Variants in BCL9 observed in about 807,000 individuals in gnomAD.
BCL9 encodes the protein BCL9 transcription coactivator, also known as B-cell CLL/lymphoma 9 protein.
A neutral mutation model predicts 88.5 loss-of-function variants in BCL9; 25 were observed. The observed-to-expected ratio is 0.28, with a 90% CI of 0.21 to 0.39. The LOEUF is 0.39. Ranked by LOEUF, BCL9 falls within the 10% of genes least tolerant of loss-of-function variation. The pLI is 1.00. For missense variants in BCL9, 1,817 were observed against 1,877.8 expected, an observed-to-expected ratio of 0.97 and a Z score of 0.60; for synonymous variants, 711 against 673.3, an observed-to-expected ratio of 1.06 and a Z score of -0.87.
intron 1 of BCL9, among the ~76,000 whole-genome samples, chr1:147,596,521 C>T (rs1553200525): frequency 1.3e-5 from 2 of 149,730 alleles, no homozygotes; most frequent in African/African-American, 4.9e-5. Context: ...TCACGCCATT[C>T]TCCTGCCTCA....
chr1:147,576,706 C>A (rs1553198134), intron 1 of BCL9, among the ~76,000 whole-genome samples: 1 of 152,078 alleles, frequency 6.6e-6, no homozygotes, highest in Non-Finnish European at 1.5e-5. Flanking sequence ...TATCTCAATA[C>A]CAGCAATAAA....
intron 1 of BCL9, among the ~76,000 whole-genome samples, chr1:147,570,571 A>C (rs1322486142): frequency 3.3e-5 from 5 of 151,142 alleles, no homozygotes; most frequent in Admixed American, 2.6e-4. Flanking sequence ...TCTGTTCCTC[A>C]TCCTATCCCT....
rs1654323404 is a variant in BCL9, at chr1:147,541,645, G to A, written c.-507G>A. On this transcript the variant is annotated 5_prime_UTR_variant, in exon 1 of 10. An upstream start codon of the reference 5' UTR is lost. Coordinates refer to ENST00000234739, the MANE Select transcript of BCL9 (RefSeq NM_004326.4). ...ACTTTCCCCCCTCAGTTTCTGAAAT[G>A]ATTCTCCAGAATTTCTCCTCATAAA... The A allele has an allele frequency of 1.3e-5, 2 of 152,008 alleles. No homozygotes were observed. The highest frequency in any genetic ancestry group is 4.8e-5 in the African/African-American group (2 of 41,358). 9.4% of individuals were successfully genotyped at this position (152,008 alleles called of 1,614,324 possible).
intron 1 of BCL9, among the ~76,000 whole-genome samples, chr1:147,599,581 G>C (rs1279956733): frequency 6.6e-6 from 1 of 152,000 alleles, no homozygotes; most frequent in Non-Finnish European, 1.5e-5. Flanking sequence ...GGGAAGAGGA[G>C]ACCCTCCCGT....
rs1553202868 is a variant in BCL9, at chr1:147,612,964, A to C, written c.135A>C (p.Lys45Asn). 6.2e-7 allele frequency: 1 copy of C among 1,613,276 alleles called. No homozygotes were observed. Among genetic ancestry groups the C allele is most frequent in the Non-Finnish European group, 8.5e-7 (1 of 1,179,652 alleles). The part of the protein sequence containing the change: ...SPSGNPQLDS[K>N]FSNQGKQGGS... ...CTGGAAACCCCCAGCTGGATTCCAA[A>C]TTCTCCAATCAGGGTAAACAGGGGG... Residue 45 changes from lysine (K) to asparagine (N), a missense_variant, in exon 5 of 10, where the codon AAA (lysine) becomes AAC (asparagine). Lys to Asn is a moderately conservative substitution (Grantham distance 94, BLOSUM62 0). Transcript: ENST00000234739.
At chr1:147,594,510 G>C (rs1416205008) in intron 1 of BCL9, among the ~76,000 whole-genome samples, 1 of 152,142 alleles carries the variant, frequency 6.6e-6, no homozygotes, top group Admixed American at 6.5e-5. Context: ...GTTCAAGAGA[G>C]GCCTGAGCTA....
intron 3 of BCL9, among the ~76,000 whole-genome samples, chr1:147,610,854 C>A (rs1433287232): frequency 6.6e-6 from 1 of 152,200 alleles, no homozygotes; most frequent in African/African-American, 2.4e-5. Context: ...CAAAAAATAT[C>A]TTAGCCTTCA....
At chr1:147,574,577 C>A (rs1656025850) in intron 1 of BCL9, among the ~76,000 whole-genome samples, 2 of 152,134 alleles carry the variant, frequency 1.3e-5, no homozygotes, top group South Asian at 2.1e-4. Context: ...TAAATGAGAT[C>A]ATTTAGCCTA....
chr1:147,543,054 G>A (rs1173892440), intron 1 of BCL9, among the ~76,000 whole-genome samples: 1 of 152,138 alleles, frequency 6.6e-6, no homozygotes, highest in Non-Finnish European at 1.5e-5. Flanking sequence ...AAAACCTTTT[G>A]CTTTTTCAAG....
At chr1:147,579,919 A>T (rs938619898) in intron 1 of BCL9, among the ~76,000 whole-genome samples, 2 of 152,174 alleles carry the variant, frequency 1.3e-5, no homozygotes, top group African/African-American at 4.8e-5. Flanking sequence ...TGGCTTGAGC[A>T]TTGTGTTTAT....
Position 147,624,086 on chromosome 1 carries a change from C to G in BCL9, c.3408C>G (p.Gly1136=), listed in dbSNP as rs782291711. ...EPPMVPQGRM[G]FPQGFPPVQS... is the part of the protein sequence containing the mutation. ...CGATGGTACCTCAAGGACGGATGGG[C>G]TTCCCCCAGGGCTTCCCTCCAGTAC... Residue 1136 remains glycine (G), a synonymous_variant, in exon 10 of 10, where the codon GGC becomes GGG. Transcript: ENST00000234739. The surrounding 1 kb of genome is among the most constrained non-coding windows in gnomAD (Gnocchi z 4.4). 3.7e-6 allele frequency: 6 copies of G among 1,610,058 alleles called. No individual in the cohort carries two copies. In the African/African-American group the frequency reaches 6.7e-5, roughly 18 times the overall value.
At chr1:147,544,606 T>C (rs995010231) in intron 1 of BCL9, among the ~76,000 whole-genome samples, 1 of 152,212 alleles carries the variant, frequency 6.6e-6, no homozygotes, top group African/African-American at 2.4e-5. Flanking sequence ...CTTCCAGGGC[T>C]GGTACTAAAC....
intron 1 of BCL9, among the ~76,000 whole-genome samples, chr1:147,587,038 A>C (rs1612689): frequency 0.33 from 34,623 of 104,896 alleles, 8,458 homozygotes; most frequent in African/African-American, 0.66. Flanking sequence ...CTCTCTCTCT[A>C]TATATGTATA....
chr1:147,612,933 C>T lies in BCL9; in HGVS notation c.104C>T (p.Ser35Phe). ...ATGGTCCGTCCCCCTACAGTGATGT[C>T]CCCATCTGGAAACCCCCAGCTGGAT... The part of the protein sequence containing the change: ...EVMVRPPTVM[S>F]PSGNPQLDSK... Residue 35 changes from serine (S) to phenylalanine (F), a missense_variant, in exon 5 of 10, where the codon TCC (serine) becomes TTC (phenylalanine). Physicochemically the swap from Ser to Phe is radical, Grantham distance 155. Transcript: ENST00000234739. 6.2e-7 allele frequency: 1 copy of T among 1,613,978 alleles called. No individual in the cohort carries two copies. The highest frequency in any genetic ancestry group is 1.3e-5 in the African/African-American group (1 of 75,018).
intron 1 of BCL9, chr1:147,600,428 G>T (rs1318074775): frequency 6.6e-6 from 1 of 151,810 alleles, no homozygotes; most frequent in Non-Finnish European, 1.5e-5. Flanking sequence ...AGCCGGTTTG[G>T]GGGCAGGGGT....
intron 1 of BCL9, among the ~76,000 whole-genome samples, chr1:147,546,079 G>C (rs1472849933): frequency 1.3e-5 from 2 of 152,148 alleles, no homozygotes; most frequent in Non-Finnish European, 2.9e-5. Flanking sequence ...GCTTAATCCT[G>C]TAATCCCAGC....
rs782554935 is a variant in BCL9 at position 147,624,163 on chromosome 1, A to G, written c.3485A>G (p.Gln1162Arg). Residue 1162 changes from glutamine (Q) to arginine (R), a missense_variant, in exon 10 of 10, where the codon CAG becomes CGG. Physicochemically the swap from Gln to Arg is conservative, Grantham distance 43. Coordinates refer to ENST00000234739, the MANE Select transcript of BCL9 (RefSeq NM_004326.4). The surrounding 1 kb of genome is among the most constrained non-coding windows in gnomAD (Gnocchi z 4.4). ...CCTCACAATGGCCCCAGTGGGGGGC[A>G]GGGCAGCTTCCCAGGAGGGATGGGT... ...PFPHNGPSGG[Q>R]GSFPGGMGFP... 1.9e-6 allele frequency: 3 copies of G among 1,598,226 alleles called. No individual in the cohort carries two copies. The highest frequency in any genetic ancestry group is 3.4e-5 in the Admixed American group (2 of 59,080).
At chr1:147,588,527 A>G (rs949675868) in intron 1 of BCL9, among the ~76,000 whole-genome samples, 3 of 152,182 alleles carry the variant, frequency 2.0e-5, no homozygotes, top group Admixed American at 2.0e-4. Context: ...ATGTCAGACT[A>G]TGGGAGAAAG....
chr1:147,604,333 A>G (rs1023180742), intron 1 of BCL9, among the ~76,000 whole-genome samples: 7 of 152,182 alleles, frequency 4.6e-5, no homozygotes, highest in African/African-American at 1.7e-4. Flanking sequence ...TGAAAGTTAT[A>G]TTATCTCATG....
Sources: gnomAD v4.1 joint callset for allele counts (sites outside exome capture counted in the v4.1 genomes callset) on GRCh38, gnomAD v4.1.1 for gene constraint, Gnocchi (gnomAD v3.1) non-coding constraint, MANE v1.5 for transcripts, NCBI Gene and HGNC (gene_info 2026-07-23, HGNC 2026-07-21) for gene names.